Variants in DAPK2 observed in about 807,000 individuals in gnomAD.
DAPK2 encodes death-associated protein kinase 2.
Under a neutral mutation model 44.1 loss-of-function variants are expected in DAPK2, and 35 were observed. The ratio of observed to expected loss-of-function variants is 0.79; its 90% CI spans 0.61 to 1.05. DAPK2 has a LOEUF of 1.05. Among genes scored for constraint, DAPK2 ranks in the 50% least tolerant of loss-of-function variants. DAPK2 has a pLI of 0.00. For synonymous variants in DAPK2, 174 were observed against 182.6 expected (o/e 0.95, Z 0.38); for missense variants, 453 against 483.2 (o/e 0.94, Z 0.59).
intron 1 of DAPK2, among the ~76,000 whole-genome samples, chr15:64,025,258 A>G (rs2079805668): frequency 6.6e-6 from 1 of 152,218 alleles, no homozygotes; most frequent in South Asian, 2.1e-4. Context: ...GTAAAAAGGG[A>G]AAAATACCTA....
In DAPK2 at chr15:63,923,653, C is replaced by A. The variant is rs774133310; in HGVS notation, c.858+1163G>T. Among the ~76,000 whole-genome samples the A allele has an allele frequency of 2.2e-4, 33 of 152,366 alleles. No homozygotes were observed. The highest frequency in any genetic ancestry group is 4.1e-4 in the South Asian group (2 of 4,830). The stretch of plus-strand genomic sequence containing the variant: ...GCAGCCAGGACTCCGCAGGCATCTG[C>A]GCAGGGCTGGAGCACGCAAGGCCAG... On this transcript the variant is annotated intron_variant, in intron 8 of 10. Transcript: ENST00000261891. The surrounding 1 kb of genome is among the most constrained non-coding windows in gnomAD (Gnocchi z 4.2).
chr15:63,929,760 A>T (rs2079466611), intron 5 of DAPK2, 183 bp from the exon 7 acceptor site: 1 of 735,436 alleles, frequency 1.4e-6, no homozygotes, highest in Non-Finnish European at 2.4e-6. Context: ...GTGTGTTTGG[A>T]GTCATCGAGC....
At chr15:64,029,227 C>T (rs2079940737) in intron 1 of DAPK2, among the ~76,000 whole-genome samples, 1 of 151,562 alleles carries the variant, frequency 6.6e-6, no homozygotes, top group Non-Finnish European at 1.5e-5. Flanking sequence ...GTGTGCTGAG[C>T]TTCTAACTCA....
intron 1 of DAPK2, among the ~76,000 whole-genome samples, chr15:64,033,658 C>T (rs1356280323): frequency 6.6e-6 from 1 of 151,954 alleles, no homozygotes; most frequent in Non-Finnish European, 1.5e-5. Context: ...CCTGTAATCC[C>T]AACACTTTGG....
chr15:63,934,324 T>C (rs894151785), intron 4 of DAPK2, among the ~76,000 whole-genome samples: 1 of 145,944 alleles, frequency 6.9e-6, no homozygotes, highest in Non-Finnish European at 1.5e-5. Flanking sequence ...TGGTGCCATC[T>C]TGGCTCACTG....
At chr15:64,027,113 T>C (rs2079869702) in intron 1 of DAPK2, among the ~76,000 whole-genome samples, 1 of 151,996 alleles carries the variant, frequency 6.6e-6, no homozygotes, top group Non-Finnish European at 1.5e-5. Flanking sequence ...AGGTGCGGTG[T>C]GGCTCATGCC....
chr15:63,977,663 G>T (rs924613202), intron 2 of DAPK2, among the ~76,000 whole-genome samples: 2 of 152,184 alleles, frequency 1.3e-5, no homozygotes, highest in Admixed American at 1.3e-4. Flanking sequence ...GCTTGATTTA[G>T]AGTTTATTTG....
In DAPK2 at chr15:64,003,010, G is replaced by GTGTGTGTGTGTT. The variant is rs1314879276; in HGVS notation, c.93-19257_93-19256insAACACACACACA. ...TGTGTGTGTGTGTGTGTGTGTGTGT[G>GTGTGTGTGTGTT]TGTGTCGTGGGACCAGAGGTGGTGG... On this transcript the variant is annotated intron_variant, in intron 1 of 10. Transcript: ENST00000261891. 1.9e-3 allele frequency among the ~76,000 whole-genome samples: 265 copies of GTGTGTGTGTGTT among 140,524 alleles called. 7 individuals carry two copies. The highest frequency in any genetic ancestry group is 5.8e-3 in the South Asian group (20 of 3,428). The allele number at this position is 140,524 out of a possible 152,430, so 92.2% of individuals were successfully genotyped here.
intron 1 of DAPK2, among the ~76,000 whole-genome samples, chr15:64,004,976 ACT>A (rs1482229672): frequency 1.3e-5 from 2 of 152,008 alleles, no homozygotes; most frequent in African/African-American, 4.8e-5. Context: ...CTTTCAAAAC[ACT>A]CTCTTACCTA....
chr15:64,010,297 G>A (rs747538320), intron 1 of DAPK2, among the ~76,000 whole-genome samples: 12 of 152,188 alleles, frequency 7.9e-5, no homozygotes, highest in Admixed American at 6.5e-5. Context: ...AGAAGGTTCA[G>A]TTTCTTCTAT....
chr15:63,920,325 A>T (rs2079037242), intron 8 of DAPK2: 1 of 151,664 alleles, frequency 6.6e-6, no homozygotes, highest in Non-Finnish European at 1.5e-5. Context: ...AGGATTTTTC[A>T]CCCCCATTTA....
rs2079432780 is a variant in DAPK2 at position 64,013,157 on chromosome 15, AT to A, written c.92+27012del. On this transcript the variant is annotated intron_variant, in intron 1 of 10. Coordinates refer to ENST00000261891, the Ensembl canonical transcript of DAPK2. The surrounding 1 kb of genome is among the most constrained non-coding windows in gnomAD (Gnocchi z 4.7). Reference sequence around the variant, plus strand: ...AACCAAATCATTAAAGAGCCGACTCATTTCACGGTGCATGTGCACAAAGCAG... The same window carrying A: ...AACCAAATCATTAAAGAGCCGACTCATTCACGGTGCATGTGCACAAAGCAG... Among the ~76,000 whole-genome samples, 1 of 152,242 alleles carries A rather than the reference AT, an allele frequency of 6.6e-6. No homozygotes were observed.
intron 3 of DAPK2, among the ~76,000 whole-genome samples, chr15:63,962,747 GTC>G (rs2077945517): frequency 6.6e-6 from 1 of 152,194 alleles, no homozygotes; most frequent in Admixed American, 6.5e-5. Context: ...TGTATGAGGT[GTC>G]AGTCAGCCCC....
intron 4 of DAPK2, among the ~76,000 whole-genome samples, chr15:63,936,976 T>A (rs1214925381): frequency 2.6e-5 from 1 of 38,180 alleles, no homozygotes; most frequent in Non-Finnish European, 6.8e-5. Flanking sequence ...TGAGACCCTG[T>A]CTCAAAAAAA....
intron 1 of DAPK2, among the ~76,000 whole-genome samples, chr15:64,008,298 C>T (rs1022391925): frequency 6.6e-6 from 1 of 152,142 alleles, no homozygotes; most frequent in East Asian, 1.9e-4. Flanking sequence ...CTTTATGAAG[C>T]ACTTTTCATA....
intron 3 of DAPK2, among the ~76,000 whole-genome samples, chr15:63,962,657 A>G (rs1190240474): frequency 6.6e-6 from 1 of 152,254 alleles, no homozygotes; most frequent in African/African-American, 2.4e-5. Context: ...CGGAGGCTGC[A>G]GAACAGCAAA....
chr15:63,997,296 T>C (rs963790363), intron 1 of DAPK2, among the ~76,000 whole-genome samples: 4 of 152,154 alleles, frequency 2.6e-5, no homozygotes, highest in African/African-American at 7.2e-5. Flanking sequence ...TCCAACATGA[T>C]TTATTTGTCC....
chr15:64,025,579 A>T (rs534105809), intron 1 of DAPK2, among the ~76,000 whole-genome samples: 1 of 152,326 alleles, frequency 6.6e-6, no homozygotes, highest in African/African-American at 2.4e-5. Flanking sequence ...TTACTTTTAC[A>T]GTTTTGCTGT....
At chr15:64,046,329 GCGGCA>G (rs1567295693), upstream of DAPK2, 1,072 of 208,796 alleles carry the variant, frequency 5.1e-3, 19 homozygotes, top group African/African-American at 0.075. The surrounding 1 kb of genome is among the most constrained non-coding windows in gnomAD (Gnocchi z 5.3). Context: ...GGTCGCGGCC[GCGGCA>G]GGCGCGGCGG....
Sources: allele counts gnomAD v4.1 joint callset (sites outside exome capture counted in the v4.1 genomes callset), GRCh38; gene constraint gnomAD v4.1.1; non-coding constraint Gnocchi (gnomAD v3.1); transcripts MANE v1.5; gene names NCBI Gene and HGNC (gene_info 2026-07-23, HGNC 2026-07-21).